The following C1RL variants were observed in gnomAD, a reference collection of about 807,000 sequenced individuals.
The protein encoded by C1RL is complement C1r subcomponent like.
In C1RL, 27 loss-of-function variants were observed where a neutral mutation model predicts 27.9. The observed-to-expected ratio is 0.97, with a 90% confidence interval of 0.71 to 1.33. The LOEUF (loss-of-function observed/expected upper bound fraction) is 1.33. Among genes scored for constraint, C1RL ranks in the 40% most tolerant of loss-of-function variants. The pLI is 0.00. For synonymous variants in C1RL, 248 were observed against 252.1 expected (o/e 0.98, Z 0.15); for missense variants, 563 against 623.9 (o/e 0.90, Z 1.04).
rs763634294 is a variant in C1RL at position 7,108,474 on chromosome 12, C to T, written c.77G>A (p.Trp26Ter). The T allele has an allele frequency of 1.4e-5, 23 of 1,589,750 alleles. No homozygotes were observed. Among genetic ancestry groups the T allele is most frequent in the Non-Finnish European group, 1.7e-5 (20 of 1,164,906 alleles). Residue 26 changes from tryptophan (W) to a stop codon, truncating the protein, a stop_gained, in exon 2 of 6, where the codon TGG becomes TAG. Coordinates refer to ENST00000266542, the MANE Select transcript of C1RL (RefSeq NM_016546.4). LOFTEE classifies it high-confidence loss of function. ...HSKGCPGAMW[W>*]LLLWGVLQAC... ...CTGGAGGACTCCCCAGAGAAGCAGC[C>T]ACCACCTGTGAGTTGGGGGGAGGGC...
At chr12:7,105,819 AAT>A (rs1490403760) in intron 2 of C1RL, among the ~76,000 whole-genome samples, 2 of 152,242 alleles carry the variant, frequency 1.3e-5, no homozygotes, top group African/African-American at 4.8e-5. Context: ...GAAATGAAAT[AAT>A]ATGTCAGTGG....
In C1RL at chr12:7,102,020, G is replaced by A; in HGVS notation, c.368C>T (p.Pro123Leu). ...TGAGGATACAAACTCCCTCTGACCA[G>A]GGGGCCTGCCCAGAGGGGAGCCTTG... Reference protein sequence around the residue: ...GQQGSPLGRPPGQREFVSSGR... With the variant: ...GQQGSPLGRPLGQREFVSSGR... The change falls in exon 3 of 6, where the codon CCT becomes CTT. Residue 123 changes from proline to leucine, a missense_variant. Physicochemically the swap from Pro to Leu is moderately conservative, Grantham distance 98. Transcript: ENST00000266542. 6.2e-7 allele frequency: 1 copy of A among 1,614,218 alleles called. No individual in the cohort carries two copies. The highest frequency in any genetic ancestry group is 8.5e-7 in the Non-Finnish European group (1 of 1,180,010).
rs187529814 is a variant in C1RL at position 7,094,850 on chromosome 12, G to A, written c.*1541C>T. On this transcript the variant is annotated 3_prime_UTR_variant, in exon 6 of 6. Coordinates refer to ENST00000266542, the MANE Select transcript of C1RL (RefSeq NM_016546.4). ...TGCATCAGCCTCCTGAGTGGCTGGG[G>A]GTATAAGTGTGCATCATTGCACCTG... 1.4e-4 allele frequency: 139 copies of A among 989,892 alleles called. 3 individuals carry two copies. In the East Asian group the frequency reaches 0.01, roughly 74 times the overall value. 61.3% of individuals were successfully genotyped at this position (989,892 alleles called of 1,614,324 possible).
At position 7,095,484 on chromosome 12, in the gene C1RL, G is replaced by A. The variant is rs1198164250; in HGVS notation, c.*907C>T. 1 of 989,932 alleles carries A rather than the reference G, an allele frequency of 1.0e-6. No individual in the cohort carries two copies. Among genetic ancestry groups the A allele is most frequent in the Non-Finnish European group, 1.2e-6 (1 of 832,562 alleles). 61.3% of individuals were successfully genotyped at this position (989,932 alleles called of 1,614,324 possible). Reference sequence around the variant, plus strand: ...GGTGGAGCAGTTCCCCTGATGATAGGGGCACAGGTGGGGTGTCTGCAAGAA... The same window carrying A: ...GGTGGAGCAGTTCCCCTGATGATAGAGGCACAGGTGGGGTGTCTGCAAGAA... On this transcript the variant is annotated 3_prime_UTR_variant, in exon 6 of 6. Coordinates refer to ENST00000266542, the MANE Select transcript of C1RL (RefSeq NM_016546.4).
At position 7,101,916 on chromosome 12, in the gene C1RL, C is replaced by T; in HGVS notation, c.472G>A (p.Ala158Thr). ...KTAHLHKGFL[A>T]LYQTVAVNYS... ...CACTCACCCACGGTTTGGTAGAGGG[C>T]CAGGAAGCCCTTGTGGAGGTGGGCA... Residue 158 changes from alanine (A) to threonine (T), a missense_variant, in exon 3 of 6, where the codon GCC (alanine) becomes ACC (threonine). Transcript: ENST00000266542. 1 of 1,614,146 alleles carries T rather than the reference C, an allele frequency of 6.2e-7. No individual in the cohort carries two copies. The highest frequency in any genetic ancestry group is 1.1e-5 in the South Asian group (1 of 91,084).
chr12:7,107,221 T>C (rs951750422), intron 2 of C1RL, among the ~76,000 whole-genome samples: 3 of 151,202 alleles, frequency 2.0e-5, no homozygotes, highest in African/African-American at 7.3e-5. Context: ...CAGGCTGGAG[T>C]ACGGTGTCAT....
chr12:7,109,167 C>A lies in C1RL; in HGVS notation c.14G>T (p.Arg5Ile). The change falls in exon 1 of 6, where the codon AGA becomes ATA. Residue 5 changes from arginine to isoleucine, a missense_variant. Transcript: ENST00000266542. ...TCTCCAGAGATATTTCCCCCACACT[C>A]TGGGTCCAGGCATCTGGAACTGGAC... MPGP[R>I]VWGKYLWRSP... 1 of 1,601,526 alleles carries A rather than the reference C, an allele frequency of 6.2e-7. No homozygotes were observed. Among genetic ancestry groups the A allele is most frequent in the South Asian group, 1.1e-5 (1 of 88,466 alleles).
chr12:7,100,441 G>A (rs1015080980), intron 3 of C1RL, among the ~76,000 whole-genome samples: 15 of 152,290 alleles, frequency 9.8e-5, no homozygotes, highest in African/African-American at 3.6e-4. Flanking sequence ...GTATCTATCA[G>A]GAGGGCTGAT....
At chr12:7,103,171 G>T (rs561111007) in intron 2 of C1RL, among the ~76,000 whole-genome samples, 1 of 152,182 alleles carries the variant, frequency 6.6e-6, no homozygotes, top group African/African-American at 2.4e-5. Context: ...CATTTAAGAG[G>T]CCTGCTTTTT....
In C1RL at chr12:7,096,793, G is replaced by C; in HGVS notation, c.1062C>G (p.Asn354Lys). The C allele has an allele frequency of 1.2e-6, 2 of 1,605,410 alleles. No homozygotes were observed. Among genetic ancestry groups the C allele is most frequent in the Non-Finnish European group, 1.7e-6 (2 of 1,175,166 alleles). Residue 354 changes from asparagine to lysine, a missense_variant, in exon 6 of 6, where the codon AAC becomes AAG. Transcript: ENST00000266542. ...TATCGGGCAGACAGACCGGGAGGACGTTGGGGCCCAGGGGGATGCTGTGCT... is the reference window on the plus strand; with the variant it reads ...TATCGGGCAGACAGACCGGGAGGACCTTGGGGCCCAGGGGGATGCTGTGCT... ...ELQHSIPLGP[N>K]VLPVCLPDNE...
chr12:7,099,673 G>A lies in C1RL; in HGVS notation c.691+13C>T. 1 of 1,551,988 alleles carries A rather than the reference G, an allele frequency of 6.4e-7. No homozygotes were observed. Among genetic ancestry groups the A allele is most frequent in the African/African-American group, 1.4e-5 (1 of 73,212 alleles). On this transcript the variant is annotated intron_variant, in intron 5 of 5. Transcript: ENST00000266542. The stretch of plus-strand genomic sequence containing the variant: ...GCTTGTTGGGGGAATGGTGCTAGCA[G>A]GTGGCTACTCACCAGGCATACACTG...
chr12:7,102,770 G>T (rs1938662301), intron 2 of C1RL, among the ~76,000 whole-genome samples: 1 of 152,232 alleles, frequency 6.6e-6, no homozygotes, highest in African/African-American at 2.4e-5. Context: ...TGCACTGGAT[G>T]GTGTTGCTTC....
In C1RL at chr12:7,100,031, A is replaced by G. The variant is rs750512135; in HGVS notation, c.491-5T>C. ...TGGGCTGACTATAGTTCACAGCTAT[A>G]GGAAAACAGCACCTAGCACAGACTT... On this transcript the variant is annotated splice_region_variant and splice_polypyrimidine_tract_variant and intron_variant, in intron 3 of 5. Coordinates refer to ENST00000266542, the MANE Select transcript of C1RL (RefSeq NM_016546.4). 2.1e-5 allele frequency: 34 copies of G among 1,609,792 alleles called. No homozygotes were observed. The highest frequency in any genetic ancestry group is 2.4e-5 in the Non-Finnish European group (28 of 1,178,032).
In C1RL at chr12:7,096,793, G is replaced by T; in HGVS notation, c.1062C>A (p.Asn354Lys). 3 of 1,605,410 alleles carry T rather than the reference G, an allele frequency of 1.9e-6. No homozygotes were observed. Among genetic ancestry groups the T allele is most frequent in the African/African-American group, 1.3e-5 (1 of 74,932 alleles). ...ELQHSIPLGP[N>K]VLPVCLPDNE... ...TATCGGGCAGACAGACCGGGAGGACGTTGGGGCCCAGGGGGATGCTGTGCT... is the reference window on the plus strand; with the variant it reads ...TATCGGGCAGACAGACCGGGAGGACTTTGGGGCCCAGGGGGATGCTGTGCT... Residue 354 changes from asparagine to lysine, a missense_variant, in exon 6 of 6, where the codon AAC (asparagine) becomes AAA (lysine). Physicochemically the swap from Asn to Lys is moderately conservative, Grantham distance 94 (BLOSUM62 0). Transcript: ENST00000266542.
chr12:7,106,730 AAAAACAAAAC>A (rs930936305), intron 2 of C1RL, among the ~76,000 whole-genome samples: 1 of 152,182 alleles, frequency 6.6e-6, no homozygotes, highest in Admixed American at 6.5e-5. Context: ...CCCCCCACCA[AAAAACAAAAC>A]AAAACAAAAC....
At chr12:7,108,182 C>T in intron 2 of C1RL, 69 bp downstream of exon 2, 1 of 1,289,196 alleles carries the variant, frequency 7.8e-7, no homozygotes, top group Non-Finnish European at 1.1e-6. Flanking sequence ...CAGGGCACCG[C>T]CACTTCCCAC....
chr12:7,108,737 C>T (rs1017317871), intron 1 of C1RL: 24 of 568,116 alleles, frequency 4.2e-5, no homozygotes, highest in Admixed American at 6.6e-5. Context: ...CACCTTTGCT[C>T]ATCTCCCAGG....
rs928496388 is a variant in C1RL, at chr12:7,104,363, A to T, written c.301-2276T>A. On this transcript the variant is annotated intron_variant, in intron 2 of 5. Transcript: ENST00000266542. This position sits in a 1 kb window ranked among gnomAD's most constrained non-coding sequence, Gnocchi z 5.4. The stretch of plus-strand genomic sequence containing the variant: ...CTTGAGGCCCCGCGGCACACTTGAT[A>T]GAGGGGGCGAAGGCCAGTGCAGCAG... Among the ~76,000 whole-genome samples the T allele has an allele frequency of 8.5e-5, 13 of 152,186 alleles. No individual in the cohort carries two copies. Among genetic ancestry groups the T allele is most frequent in the African/African-American group, 3.1e-4 (13 of 41,440 alleles).
At chr12:7,107,083 T>C (rs901915793) in intron 2 of C1RL, among the ~76,000 whole-genome samples, 2 of 152,158 alleles carry the variant, frequency 1.3e-5, no homozygotes, top group Non-Finnish European at 2.9e-5. Context: ...GCTACATGAA[T>C]TGGCAAATGA....
Sources: allele counts gnomAD v4.1 joint callset (sites outside exome capture counted in the v4.1 genomes callset), GRCh38; gene constraint gnomAD v4.1.1; non-coding constraint Gnocchi (gnomAD v3.1); transcripts MANE v1.5; gene names NCBI Gene and HGNC (gene_info 2026-07-23, HGNC 2026-07-21).